The following HDAC10 variants were observed in gnomAD, a reference collection of about 807,000 sequenced individuals.
The protein encoded by HDAC10 is histone deacetylase 10, also known as polyamine deacetylase HDAC10.
HDAC10 carries 90 observed loss-of-function variants against 82.3 expected under a neutral mutation model. That is an observed-to-expected ratio of 1.09 (90% CI 0.92 to 1.30). HDAC10 has a LOEUF of 1.30. Ranked by LOEUF, HDAC10 falls within the 50% of genes most tolerant of loss-of-function variation. The pLI is 0.00. For synonymous variants in HDAC10, 456 were observed against 391.7 expected (o/e 1.16, Z -1.94); for missense variants, 934 against 876.3 (o/e 1.07, Z -0.83).
chr22:50,247,069 T>A (rs2064969434), intron 14 of HDAC10, 103 bp from the exon 15 acceptor site: 1 of 649,680 alleles, frequency 1.5e-6, no homozygotes, highest in Non-Finnish European at 2.7e-6. Context: ...GCGGCTACTG[T>A]CAGCCACACA....
Position 50,245,982 on chromosome 22 carries a change from G to T in HDAC10, c.1761C>A (p.Gly587=), listed in dbSNP as rs543147576. The T allele has an allele frequency of 6.2e-7, 1 of 1,609,938 alleles. No homozygotes were observed. The highest frequency in any genetic ancestry group is 1.7e-5 in the Admixed American group (1 of 59,616). ...TTGCAGCCAGGAGTGCAGCGTGGGG[G>T]CCCTGCAGGCCATGGCCAGGCCCCA... ...VALGPGHGLQ[G]PHAALLAAML... The change falls in exon 18 of 20, where the codon GGC becomes GGA. Residue 587 remains glycine, a synonymous_variant. Coordinates refer to ENST00000216271, the MANE Select transcript of HDAC10 (RefSeq NM_032019.6).
rs1569135352 is a variant in HDAC10, at chr22:50,248,357, CCCTCGCA to C, written c.1013+2_1013+8del. On this transcript the variant is annotated splice_donor_variant and splice_donor_5th_base_variant and intron_variant, in intron 11 of 19. Coordinates refer to ENST00000216271, the MANE Select transcript of HDAC10 (RefSeq NM_032019.6). LOFTEE classifies it high-confidence loss of function. The surrounding 1 kb of genome is among the most constrained non-coding windows in gnomAD (Gnocchi z 5.4). Reference sequence around the variant, plus strand: ...ACCCCGGCCCTGCCCGCCCTACCTCCCCTCGCACCTCTGACATGGCGCCATTGGCCCT... The same window carrying C: ...ACCCCGGCCCTGCCCGCCCTACCTCCCCTCTGACATGGCGCCATTGGCCCT... The C allele has an allele frequency of 3.1e-6, 5 of 1,611,208 alleles. No homozygotes were observed. Among genetic ancestry groups the C allele is most frequent in the Non-Finnish European group, 4.2e-6 (5 of 1,179,834 alleles).
intron 3 of HDAC10, 27 bp from the exon 4 acceptor site, chr22:50,250,187 C>T (rs764703293): frequency 1.9e-6 from 3 of 1,588,154 alleles, no homozygotes; most frequent in East Asian, 4.5e-5. Context: ...GCAGATGAGC[C>T]CCCTGCCTTC....
chr22:50,250,527 C>T lies in HDAC10; in HGVS notation c.195-4G>A. On this transcript the variant is annotated splice_polypyrimidine_tract_variant and splice_region_variant and intron_variant, in intron 2 of 19. Transcript: ENST00000216271. ...GACCAGGGATACATACTCTGGGCTG[C>T]ATGCAGATGGGCAGGCAGGAGAGGC... is the stretch of plus-strand genomic sequence containing the variant. The T allele has an allele frequency of 6.2e-7, 1 of 1,608,904 alleles. No homozygotes were observed. Among genetic ancestry groups the T allele is most frequent in the Non-Finnish European group, 8.5e-7 (1 of 1,176,810 alleles).
rs754210933 is a variant in HDAC10, at chr22:50,249,068, C to A, written c.756+35G>T. 7 of 1,553,820 alleles carry A rather than the reference C, an allele frequency of 4.5e-6. No homozygotes were observed. The East Asian group carries it at 1.4e-4, about 31-fold the overall frequency. On this transcript the variant is annotated intron_variant, in intron 8 of 19. Transcript: ENST00000216271. This position sits in a 1 kb window ranked among gnomAD's most constrained non-coding sequence, Gnocchi z 4.4. ...CTCCAGGCACAAGGTCCCCCTCCCACCCGGCTGCCCTGGGGGAGCCCTCCG... is the reference window on the plus strand; with the variant it reads ...CTCCAGGCACAAGGTCCCCCTCCCAACCGGCTGCCCTGGGGGAGCCCTCCG...
In HDAC10 at chr22:50,245,293, GC is replaced by G; in HGVS notation, c.*213del. On this transcript the variant is annotated 3_prime_UTR_variant, in exon 20 of 20. Transcript: ENST00000216271. ...GGTTGCATGGGCCTCGATGGGACGG[GC>G]CGGGGCGCGATGGGTGGGGCGGGGG... The G allele has an allele frequency of 1.6e-6, 1 of 616,522 alleles. No individual in the cohort carries two copies. The highest frequency in any genetic ancestry group is 1.8e-5 in the South Asian group (1 of 54,214). The allele number at this position is 616,522 out of a possible 1,614,324, so 38.2% of individuals were successfully genotyped here.
At chr22:50,246,779 G>C in intron 15 of HDAC10, 44 bp from the exon 16 acceptor site, 8 of 1,609,758 alleles carry the variant, frequency 5.0e-6, no homozygotes, top group African/African-American at 1.3e-5. Flanking sequence ...ATGTTGTCCA[G>C]AGTCCATTCC....
At chr22:50,247,079 ATCT>A (rs1355196987) in intron 14 of HDAC10, 113 bp from the exon 15 acceptor site, 1 of 605,556 alleles carries the variant, frequency 1.7e-6, no homozygotes, top group Non-Finnish European at 2.9e-6. Context: ...TCAGCCACAC[ATCT>A]TCTTACACTA....
chr22:50,245,518 G>A lies in HDAC10; in HGVS notation c.1999C>T (p.Leu667=), dbSNP rs371651725. The change falls in exon 20 of 20, where the codon CTG becomes TTG. Residue 667 remains leucine (L), a synonymous_variant. Transcript: ENST00000216271. ...QWKMLQCHPH[L]VA ...CACCTTGGCCGATTTCAAGCCACCA[G>A]GTGAGGATGGCACTACAGGAGGAGC... The A allele has an allele frequency of 1.1e-4, 101 of 906,048 alleles. No homozygotes were observed. The highest frequency in any genetic ancestry group is 2.6e-5 in the Non-Finnish European group (14 of 535,664). The allele number at this position is 906,048 out of a possible 1,614,324, so 56.1% of individuals were successfully genotyped here.
chr22:50,248,323 T>C lies in HDAC10; in HGVS notation c.1014-31A>G. ...AGGGAGACACAACAGTCGTGACACC[T>C]GGTCTCACACCCCGGCCCTGCCCGC... is the stretch of plus-strand genomic sequence containing the variant. On this transcript the variant is annotated intron_variant, in intron 11 of 19. Transcript: ENST00000216271. This position sits in a 1 kb window ranked among gnomAD's most constrained non-coding sequence, Gnocchi z 5.4. 1 of 1,611,868 alleles carries C rather than the reference T, an allele frequency of 6.2e-7. No homozygotes were observed. Among genetic ancestry groups the C allele is most frequent in the Non-Finnish European group, 8.5e-7 (1 of 1,179,688 alleles).
chr22:50,246,996 G>C lies in HDAC10; in HGVS notation c.1423-30C>G, dbSNP rs768498634. The C allele has an allele frequency of 4.1e-6, 6 of 1,459,074 alleles. No individual in the cohort carries two copies. In the African/African-American group the frequency reaches 7.0e-5, roughly 17 times the overall value. The allele number at this position is 1,459,074 out of a possible 1,614,324, so 90.4% of individuals were successfully genotyped here. A position where few individuals can be genotyped will look rare whatever the true frequency, so the allele number is the denominator to read the frequency against. On this transcript the variant is annotated intron_variant, in intron 14 of 19. Coordinates refer to ENST00000216271, the MANE Select transcript of HDAC10 (RefSeq NM_032019.6). ...GGGATGAATAAACAGTGGAGAATGAGGCACCAACCAACTCCCAAGCCAGGT... is the reference window on the plus strand; with the variant it reads ...GGGATGAATAAACAGTGGAGAATGACGCACCAACCAACTCCCAAGCCAGGT...
chr22:50,246,009 C>A lies in HDAC10; in HGVS notation c.1734G>T (p.Ala578=). 6.2e-7 allele frequency: 1 copy of A among 1,612,286 alleles called. No individual in the cohort carries two copies. The part of the protein sequence containing the change: ...YGFQPDLVLV[A]LGPGHGLQGP... The stretch of plus-strand genomic sequence containing the variant: ...CCTGCAGGCCATGGCCAGGCCCCAG[C>A]GCCACCAGCACCAGGTCAGGCTGGA... Residue 578 remains alanine (A), a synonymous_variant, in exon 18 of 20, where the codon GCG becomes GCT. Coordinates refer to ENST00000216271, the MANE Select transcript of HDAC10 (RefSeq NM_032019.6).
intron 4 of HDAC10, 34 bp downstream of exon 4, chr22:50,250,029 C>T (rs982160780): frequency 4.4e-6 from 7 of 1,608,650 alleles, no homozygotes; most frequent in Non-Finnish European, 6.0e-6. Context: ...GGGCCACCCA[C>T]GGAGGAGCAG....
At chr22:50,250,583 G>A (rs958067078) in intron 2 of HDAC10, 60 bp from the exon 3 acceptor site, 3 of 1,422,012 alleles carry the variant, frequency 2.1e-6, no homozygotes, top group East Asian at 2.3e-5. Context: ...GGGGGCGGGA[G>A]GCGGGGACCT....
rs2064911494 is a variant in HDAC10, at chr22:50,245,263, G to A, written c.*244C>T. On this transcript the variant is annotated 3_prime_UTR_variant, in exon 20 of 20. Coordinates refer to ENST00000216271, the MANE Select transcript of HDAC10 (RefSeq NM_032019.6). ...GGCGCAGGGGCCGGAACGGGACCGA[G>A]CGTGGGTTGCATGGGCCTCGATGGG... 3.3e-6 allele frequency: 2 copies of A among 598,294 alleles called. No homozygotes were observed. Among genetic ancestry groups the A allele is most frequent in the African/African-American group, 1.9e-5 (1 of 53,288 alleles). The allele number at this position is 598,294 out of a possible 1,614,324, so 37.1% of individuals were successfully genotyped here.
chr22:50,248,854 C>A lies in HDAC10; in HGVS notation c.793G>T (p.Asp265Tyr). 6.2e-7 allele frequency: 1 copy of A among 1,611,478 alleles called. No individual in the cohort carries two copies. Among genetic ancestry groups the A allele is most frequent in the South Asian group, 1.1e-5 (1 of 90,614 alleles). The change falls in exon 9 of 20, where the codon GAC becomes TAC. Residue 265 changes from aspartate (D) to tyrosine (Y), a missense_variant. Asp to Tyr is a radical substitution (Grantham distance 160). Coordinates refer to ENST00000216271, the MANE Select transcript of HDAC10 (RefSeq NM_032019.6). The surrounding 1 kb of genome is among the most constrained non-coding windows in gnomAD (Gnocchi z 5.4). ...ACCTCAGGGTCCCCGATGGCTGAGT[C>A]AAATCCTGCCGAGACCAGCACCAGC... ...PELVLVSAGF[D>Y]SAIGDPEGQM...
Position 50,245,512 on chromosome 22 carries a change from C to T in HDAC10, c.2005G>A (p.Ala669Thr). ...TGCTCCCACCTTGGCCGATTTCAAG[C>T]CACCAGGTGAGGATGGCACTACAGG... ...KMLQCHPHLV[A>T] Residue 669 changes from alanine to threonine, a missense_variant, in exon 20 of 20, where the codon GCT (alanine) becomes ACT (threonine). Ala to Thr is a moderately conservative substitution (Grantham distance 58). Coordinates refer to ENST00000216271, the MANE Select transcript of HDAC10 (RefSeq NM_032019.6). The T allele has an allele frequency of 1.1e-6, 1 of 889,536 alleles. No homozygotes were observed. Among genetic ancestry groups the T allele is most frequent in the Non-Finnish European group, 1.9e-6 (1 of 521,038 alleles). The allele number at this position is 889,536 out of a possible 1,614,324, so 55.1% of individuals were successfully genotyped here. A position where few individuals can be genotyped will look rare whatever the true frequency, so the allele number is the denominator to read the frequency against.
At chr22:50,245,637 G>GC in intron 19 of HDAC10, 38 bp downstream of exon 19, 1 of 1,612,380 alleles carries the variant, frequency 6.2e-7, no homozygotes, top group Non-Finnish European at 8.5e-7. Flanking sequence ...GCAGAGCCAG[G>GC]CCCCAGGGCA....
In HDAC10 at chr22:50,249,528, T is replaced by C; in HGVS notation, c.564-74A>G. 1.2e-6 allele frequency: 2 copies of C among 1,606,070 alleles called. No homozygotes were observed. The highest frequency in any genetic ancestry group is 1.7e-5 in the Admixed American group (1 of 59,786). ...AGCTCTACAGCTCCCTGTAGAACGC[T>C]GACCCCTGAGCACATGTCTGTATCT... On this transcript the variant is annotated intron_variant, in intron 6 of 19. Transcript: ENST00000216271. This position sits in a 1 kb window ranked among gnomAD's most constrained non-coding sequence, Gnocchi z 4.4.
Sources: gnomAD v4.1 joint callset for allele counts on GRCh38, gnomAD v4.1.1 for gene constraint, Gnocchi (gnomAD v3.1) non-coding constraint, MANE v1.5 for transcripts, NCBI Gene and HGNC (gene_info 2026-07-23, HGNC 2026-07-21) for gene names.